Variants in GALNT17 observed in about 807,000 individuals in gnomAD.
GALNT17 encodes the protein polypeptide N-acetylgalactosaminyltransferase 17.
GALNT17 carries 29 observed loss-of-function variants against 63.7 expected under a neutral mutation model. The observed-to-expected ratio is 0.46, with a 90% CI of 0.34 to 0.62. GALNT17 has a LOEUF of 0.62. Among genes scored for constraint, GALNT17 ranks in the 20% least tolerant of loss-of-function variants. The pLI is 0.01. For synonymous variants in GALNT17, 305 were observed against 318.3 expected, an observed-to-expected ratio of 0.96 and a Z score of 0.45; for missense variants, 603 against 799.6, an observed-to-expected ratio of 0.75 and a Z score of 2.97.
chr7:71,562,103 G>A (rs868009312), intron 5 of GALNT17, among the ~76,000 whole-genome samples: 108 of 152,082 alleles, frequency 7.1e-4, no homozygotes, highest in African/African-American at 2.3e-3. Context: ...ATACAGGTGC[G>A]CACCACCATG....
At chr7:71,366,679 C>T (rs1232627523) in intron 2 of GALNT17, among the ~76,000 whole-genome samples, 1 of 152,164 alleles carries the variant, frequency 6.6e-6, no homozygotes, top group East Asian at 1.9e-4. Context: ...GTGTGTCCTT[C>T]TGCTGTTTTC....
At chr7:71,216,609 CACACAG>C (rs202157278) in intron 1 of GALNT17, among the ~76,000 whole-genome samples, 1 of 122,282 alleles carries the variant, frequency 8.2e-6, no homozygotes, top group Non-Finnish European at 1.8e-5. Flanking sequence ...TACACACATA[CACACAG>C]ACACACACAC....
intron 2 of GALNT17, among the ~76,000 whole-genome samples, chr7:71,375,206 T>C (rs1404665953): frequency 6.6e-6 from 1 of 152,242 alleles, no homozygotes; most frequent in South Asian, 2.1e-4. Flanking sequence ...GGCCCAGATG[T>C]GGGAAGAAAC....
chr7:71,157,748 T>A (rs1188491899), intron 1 of GALNT17, among the ~76,000 whole-genome samples: 1 of 151,854 alleles, frequency 6.6e-6, no homozygotes, highest in Non-Finnish European at 1.5e-5. Context: ...CAAATACATT[T>A]ATATTCTTTT....
At chr7:71,582,255 A>G (rs1212414304) in intron 6 of GALNT17, among the ~76,000 whole-genome samples, 1 of 152,000 alleles carries the variant, frequency 6.6e-6, no homozygotes, top group African/African-American at 2.4e-5. Flanking sequence ...ACCAACCCAA[A>G]TGCCCATCAA....
chr7:71,559,595 C>T (rs1220616797), intron 5 of GALNT17, among the ~76,000 whole-genome samples: 1 of 152,180 alleles, frequency 6.6e-6, no homozygotes, highest in East Asian at 1.9e-4. Context: ...GGCGCAGTGG[C>T]TCACAGCTTT....
intron 1 of GALNT17, among the ~76,000 whole-genome samples, chr7:71,165,803 G>A (rs533022675): frequency 2.8e-4 from 42 of 152,264 alleles, no homozygotes; most frequent in Admixed American, 1.9e-3. Context: ...GAATTGAACC[G>A]AGACTTTAGG....
At chr7:71,339,660 A>C (rs950768130) in intron 2 of GALNT17, among the ~76,000 whole-genome samples, 2 of 151,930 alleles carry the variant, frequency 1.3e-5, no homozygotes, top group African/African-American at 4.8e-5. Context: ...ACTGCACTCC[A>C]GCCTGGGTGA....
intron 1 of GALNT17, among the ~76,000 whole-genome samples, chr7:71,228,008 G>C (rs2116437436): frequency 6.6e-6 from 1 of 152,282 alleles, no homozygotes; most frequent in Non-Finnish European, 1.5e-5. Context: ...CAGCCCGATA[G>C]AGGAGGAGAC....
chr7:71,320,583 C>A (rs957052091), intron 1 of GALNT17, among the ~76,000 whole-genome samples: 4 of 152,052 alleles, frequency 2.6e-5, no homozygotes, highest in African/African-American at 9.7e-5. Context: ...AAATCTACAT[C>A]TAAGTAAATG....
chr7:71,656,148 A>G (rs963836284), intron 6 of GALNT17, among the ~76,000 whole-genome samples: 21 of 152,176 alleles, frequency 1.4e-4, no homozygotes, highest in African/African-American at 4.8e-4. Flanking sequence ...GTAGGGACAC[A>G]GGATGACACA....
intron 3 of GALNT17, among the ~76,000 whole-genome samples, chr7:71,406,982 A>T (rs1482769122): frequency 6.6e-6 from 1 of 152,240 alleles, no homozygotes; most frequent in East Asian, 1.9e-4. Context: ...AGAAATGTCA[A>T]GTGTCCTGAC....
At chr7:71,157,395 T>C (rs1455420532) in intron 1 of GALNT17, among the ~76,000 whole-genome samples, 1 of 150,908 alleles carries the variant, frequency 6.6e-6, no homozygotes, top group Non-Finnish European at 1.5e-5. Flanking sequence ...CGGTGGCTCA[T>C]GCCTGTAATC....
At chr7:71,172,525 C>T (rs1788564467) in intron 1 of GALNT17, among the ~76,000 whole-genome samples, 1 of 151,268 alleles carries the variant, frequency 6.6e-6, no homozygotes, top group African/African-American at 2.4e-5. Context: ...ACTCTAAGAA[C>T]CCTGAAATAA....
chr7:71,470,608 C>T (rs1787612175), intron 5 of GALNT17, among the ~76,000 whole-genome samples: 1 of 151,974 alleles, frequency 6.6e-6, no homozygotes, highest in Admixed American at 6.6e-5. Context: ...AAACTGCAAC[C>T]TAGGCAGGGA....
At chr7:71,197,875 ATTTC>A (rs1216241820) in intron 1 of GALNT17, among the ~76,000 whole-genome samples, 1 of 151,878 alleles carries the variant, frequency 6.6e-6, no homozygotes, top group Non-Finnish European at 1.5e-5. Context: ...TTGCTTTCAA[ATTTC>A]TTTATTTATT....
intron 3 of GALNT17, among the ~76,000 whole-genome samples, chr7:71,401,151 AG>A (rs1793232456): frequency 6.9e-6 from 1 of 144,104 alleles, no homozygotes; most frequent in South Asian, 2.2e-4. Flanking sequence ...GCTGGAGTGC[AG>A]TGGTGTGATC....
intron 6 of GALNT17, among the ~76,000 whole-genome samples, chr7:71,622,440 C>G (rs1790307368): frequency 6.6e-6 from 1 of 152,172 alleles, no homozygotes; most frequent in Admixed American, 6.5e-5. Flanking sequence ...CTTCTTGTCT[C>G]TAGGATGAGT....
intron 1 of GALNT17, among the ~76,000 whole-genome samples, chr7:71,308,858 G>GCT (rs1415300205): frequency 6.6e-6 from 1 of 151,510 alleles, no homozygotes; most frequent in Non-Finnish European, 1.5e-5. Flanking sequence ...ATTTCTTATG[G>GCT]CTCAGCCTCC....
Sources: allele counts gnomAD v4.1 joint callset (sites outside exome capture counted in the v4.1 genomes callset), GRCh38; gene constraint gnomAD v4.1.1; transcripts MANE v1.5; gene names NCBI Gene and HGNC (gene_info 2026-07-23, HGNC 2026-07-21).